SAMD12: variants seen among roughly 807,000 people sequenced by gnomAD.
SAMD12 encodes sterile alpha motif domain containing 12, also known as sterile alpha motif domain-containing protein 12.
A neutral mutation model predicts 15.0 loss-of-function variants in SAMD12; 9 were observed. The ratio of observed to expected loss-of-function variants is 0.60; its 90% CI spans 0.36 to 1.05. The LOEUF is 1.05. SAMD12 is among the 50% of genes least tolerant of loss of function. The probability of loss-of-function intolerance (pLI) is 0.01; values close to 1 mark genes in which losing one functional copy is unlikely to be tolerated. For synonymous variants in SAMD12, 86 were observed against 90.1 expected (o/e 0.96, Z 0.25); for missense variants, 230 against 234.2 (o/e 0.98, Z 0.12).
At position 118,451,736 on chromosome 8, in the gene SAMD12, A is replaced by G. The variant is rs148854925; in HGVS notation, c.193-11775T>C. ...AGGGATTTGGGGGCTTGGAGAGCCT[A>G]TGAACTCTGGAATCCATTACGGTAG... On this transcript the variant is annotated intron_variant, in intron 2 of 3. Coordinates refer to ENST00000314727, the MANE Select transcript of SAMD12 (RefSeq NM_207506.3). Among the ~76,000 whole-genome samples the G allele has an allele frequency of 4.6e-3, 703 of 152,296 alleles. 6 individuals carry two copies. Among genetic ancestry groups the G allele is most frequent in the African/African-American group, 0.016 (658 of 41,574 alleles).
At chr8:118,246,275 ATC>A (rs1450702772) in intron 4 of SAMD12, among the ~76,000 whole-genome samples, 6 of 152,102 alleles carry the variant, frequency 3.9e-5, no homozygotes, top group African/African-American at 1.4e-4. Flanking sequence ...TGACACTCAT[ATC>A]TCTTTTGCAT....
chr8:118,190,473 G>T (rs1458875187), exon 5 of SAMD12: 1 of 151,584 alleles, frequency 6.6e-6, no homozygotes, highest in Admixed American at 6.6e-5. Flanking sequence ...CACCTGGGCT[G>T]TGGACTCTGC....
At chr8:118,166,439 T>G in the SAMD12 span, among the ~76,000 whole-genome samples, 1 of 152,192 alleles carries the variant, frequency 6.6e-6, no homozygotes, top group Non-Finnish European at 1.5e-5. Flanking sequence ...AAAAAGCAAC[T>G]AAAATCTTAA....
chr8:118,545,248 C>G (rs1056181346), intron 2 of SAMD12, among the ~76,000 whole-genome samples: 1 of 152,198 alleles, frequency 6.6e-6, no homozygotes, highest in Admixed American at 6.5e-5. Flanking sequence ...AGGTGGATTA[C>G]CTGAGGTCAG....
At position 118,282,136 on chromosome 8, in the gene SAMD12, C is replaced by T. The variant is rs185520812; in HGVS notation, c.434-84404G>A. ...TCAGGTCCTTTCACTTCCATTTTCT[C>T]ATCTGACCATCATGACCTTATGGTG... On this transcript the variant is annotated intron_variant, in intron 4 of 4. Coordinates refer to the SAMD12 transcript ENST00000409003. 18 of 358,296 alleles carry T rather than the reference C, an allele frequency of 5.0e-5. No individual in the cohort carries two copies. The East Asian group carries it at 1.2e-3, about 23-fold the overall frequency. The allele number at this position is 358,296 out of a possible 1,614,324, so 22.2% of individuals were successfully genotyped here.
chr8:118,347,920 G>A (rs1023470427), intron 4 of SAMD12, among the ~76,000 whole-genome samples: 22 of 152,160 alleles, frequency 1.4e-4, no homozygotes, highest in African/African-American at 9.7e-5. Flanking sequence ...AACATTGCAC[G>A]CACTGAATCT....
At position 118,478,001 on chromosome 8, in the gene SAMD12, G is replaced by A. The variant is rs577023224; in HGVS notation, c.193-38040C>T. Among the ~76,000 whole-genome samples, 422 of 130,558 alleles carry A rather than the reference G, an allele frequency of 3.2e-3. 3 individuals are homozygous for A. The highest frequency in any genetic ancestry group is 0.012 in the African/African-American group (402 of 34,330). 85.7% of individuals were successfully genotyped at this position (130,558 alleles called of 152,430 possible). Reference sequence around the variant, plus strand: ...TGCACTCCAGCCTGGGTGACAGAGCGAGACCCTGTCTCAAAAAAAAAAAAA... The same window carrying A: ...TGCACTCCAGCCTGGGTGACAGAGCAAGACCCTGTCTCAAAAAAAAAAAAA... On this transcript the variant is annotated intron_variant, in intron 2 of 3. Coordinates refer to ENST00000314727, the MANE Select transcript of SAMD12 (RefSeq NM_207506.3).
chr8:118,335,406 C>G (rs1028760315), intron 4 of SAMD12, among the ~76,000 whole-genome samples: 3 of 152,196 alleles, frequency 2.0e-5, no homozygotes, highest in Admixed American at 6.5e-5. Flanking sequence ...TGTCTTCCCT[C>G]ACTATTTAGG....
intron 4 of SAMD12, among the ~76,000 whole-genome samples, chr8:118,216,698 T>C (rs1811968683): frequency 6.6e-6 from 1 of 152,118 alleles, no homozygotes; most frequent in African/African-American, 2.4e-5. Context: ...CTATTTAGGG[T>C]AGGGATATGA....
chr8:118,153,827 C>G, the SAMD12 span, among the ~76,000 whole-genome samples: 1 of 152,106 alleles, frequency 6.6e-6, no homozygotes, highest in Non-Finnish European at 1.5e-5. Flanking sequence ...AAGTAAGAAT[C>G]TATCCAGTCA....
intron 2 of SAMD12, among the ~76,000 whole-genome samples, chr8:118,497,405 T>G (rs1824646020): frequency 6.6e-6 from 1 of 152,170 alleles, no homozygotes; most frequent in Non-Finnish European, 1.5e-5. Flanking sequence ...AATGAAATAA[T>G]GTTCTTTGCA....
At chr8:118,154,829 AC>A in the SAMD12 span, among the ~76,000 whole-genome samples, 1 of 152,238 alleles carries the variant, frequency 6.6e-6, no homozygotes, top group Non-Finnish European at 1.5e-5. Context: ...GAGAGCAGTG[AC>A]AGAAAAAGAA....
chr8:118,352,619 TGGTTGGTGG>T (rs1199916398), intron 4 of SAMD12, among the ~76,000 whole-genome samples: 1 of 152,216 alleles, frequency 6.6e-6, no homozygotes, highest in East Asian at 1.9e-4. Flanking sequence ...TGGGGAAAAG[TGGTTGGTGG>T]GGATCTGAAT....
intron 4 of SAMD12, among the ~76,000 whole-genome samples, chr8:118,216,769 TAAAAC>T (rs1811971184): frequency 6.6e-6 from 1 of 152,192 alleles, no homozygotes; most frequent in African/African-American, 2.4e-5. Context: ...TCTAGGTGCT[TAAAAC>T]AGTAAGTTTC....
chr8:118,494,700 AG>A (rs1463497244), intron 2 of SAMD12, among the ~76,000 whole-genome samples: 1 of 88,702 alleles, frequency 1.1e-5, no homozygotes, highest in Admixed American at 1.2e-4. Context: ...TCAAGGAGTT[AG>A]TCAGTCCTTC....
At chr8:118,341,363 A>C (rs1817358893) in intron 4 of SAMD12, among the ~76,000 whole-genome samples, 1 of 152,242 alleles carries the variant, frequency 6.6e-6, no homozygotes, top group Non-Finnish European at 1.5e-5. Context: ...GAGCATACCT[A>C]GACCCCACCT....
At chr8:118,366,508 T>C (rs1818774351) in intron 4 of SAMD12, among the ~76,000 whole-genome samples, 2 of 152,134 alleles carry the variant, frequency 1.3e-5, no homozygotes, top group South Asian at 2.1e-4. Context: ...TAATTGCTAC[T>C]GTAAAAAGAT....
At chr8:118,373,241 A>C (rs528772064), downstream of SAMD12, among the ~76,000 whole-genome samples, 8 of 152,304 alleles carry the variant, frequency 5.3e-5, no homozygotes, top group Non-Finnish European at 1.0e-4. Context: ...CAGTTATGCC[A>C]CTAACTAGCT....
intron 4 of SAMD12, among the ~76,000 whole-genome samples, chr8:118,333,272 C>T (rs549794973): frequency 7.2e-5 from 11 of 152,158 alleles, no homozygotes; most frequent in African/African-American, 2.6e-4. Flanking sequence ...GATTTTTATG[C>T]GACAAAATAA....
Sources: gnomAD v4.1 joint callset for allele counts (sites outside exome capture counted in the v4.1 genomes callset) on GRCh38, gnomAD v4.1.1 for gene constraint, MANE v1.5 for transcripts, NCBI Gene and HGNC (gene_info 2026-07-23, HGNC 2026-07-21) for gene names.